The following C9orf40 variants were observed in gnomAD, a reference collection of about 807,000 sequenced individuals.
C9orf40 encodes the protein uncharacterized protein C9orf40.
C9orf40 carries 2 observed loss-of-function variants against 7.9 expected under a neutral mutation model. The ratio of observed to expected loss-of-function variants is 0.25; its 90% CI spans 0.10 to 0.80. C9orf40 has a LOEUF of 0.80. Among genes scored for constraint, C9orf40 ranks in the 30% least tolerant of loss-of-function variants. The probability of loss-of-function intolerance (pLI) is 0.68; values close to 1 mark genes in which losing one functional copy is unlikely to be tolerated. For missense variants in C9orf40, 256 were observed against 268.5 expected, an observed-to-expected ratio of 0.95 and a Z score of 0.33; for synonymous variants, 113 against 117.6, an observed-to-expected ratio of 0.96 and a Z score of 0.25.
In C9orf40 at chr9:74,952,167, A is replaced by AACAGGGGCCCTGGG; in HGVS notation, c.426+18_426+19insCCCAGGGCCCCTGT. 6.6e-6 allele frequency: 1 copy of AACAGGGGCCCTGGG among 150,662 alleles called. No homozygotes were observed. The highest frequency in any genetic ancestry group is 1.1e-5 in the Non-Finnish European group (1 of 87,692). 9.3% of individuals were successfully genotyped at this position (150,662 alleles called of 1,614,324 possible). ...GGCAAGCCCCTTCGCCCCTCAGCCC[A>AACAGGGGCCCTGGG]CCCGCCCCCAGCCCCTACCTGGCGC... On this transcript the variant is annotated intron_variant, in intron 1 of 1. Transcript: ENST00000376854. This position sits in a 1 kb window ranked among gnomAD's most constrained non-coding sequence, Gnocchi z 5.4.
rs1017774480 is a variant in C9orf40 at position 74,947,686 on chromosome 9, C to T, written c.*362G>A. The T allele has an allele frequency of 1.9e-5, 3 of 162,094 alleles. No individual in the cohort carries two copies. The highest frequency in any genetic ancestry group is 4.0e-5 in the Non-Finnish European group (3 of 74,716). The allele number at this position is 162,094 out of a possible 1,614,324, so 10.0% of individuals were successfully genotyped here. On this transcript the variant is annotated 3_prime_UTR_variant, in exon 2 of 2. Transcript: ENST00000376854. Reference sequence around the variant, plus strand: ...ATAAAACAATATTCATTTTATATACCACAAATAAACTTTTTGGTGCAGATA... The same window carrying T: ...ATAAAACAATATTCATTTTATATACTACAAATAAACTTTTTGGTGCAGATA...
In C9orf40 at chr9:74,952,667, T is replaced by A; in HGVS notation, c.-56A>T. 6.9e-7 allele frequency: 1 copy of A among 1,457,166 alleles called. No individual in the cohort carries two copies. Among genetic ancestry groups the A allele is most frequent in the South Asian group, 1.3e-5 (1 of 77,720 alleles). 90.3% of individuals were successfully genotyped at this position (1,457,166 alleles called of 1,614,324 possible). A position where few individuals can be genotyped will look rare whatever the true frequency, so the allele number is the denominator to read the frequency against. On this transcript the variant is annotated 5_prime_UTR_variant, in exon 1 of 2. Coordinates refer to ENST00000376854, the MANE Select transcript of C9orf40 (RefSeq NM_017998.3). The surrounding 1 kb of genome is among the most constrained non-coding windows in gnomAD (Gnocchi z 5.4). ...GCGCGGGAGACCGAGTGCCGATAGCTGCGGGGGGCGAAGAGCGAGGACTGA... is the reference window on the plus strand; with the variant it reads ...GCGCGGGAGACCGAGTGCCGATAGCAGCGGGGGGCGAAGAGCGAGGACTGA...
intron 1 of C9orf40, among the ~76,000 whole-genome samples, chr9:74,949,929 A>G (rs1451099451): frequency 6.6e-6 from 1 of 151,984 alleles, no homozygotes; most frequent in Non-Finnish European, 1.5e-5. Flanking sequence ...TGGTAGGCAG[A>G]GGCGGGAGGA....
Position 74,952,383 on chromosome 9 carries a change from C to T in C9orf40, c.229G>A (p.Gly77Arg), listed in dbSNP as rs762572088. Reference protein sequence around the residue: ...SASPSKRRDSGDNSAPSGQER... With the variant: ...SASPSKRRDSRDNSAPSGQER... ...TGGCCGCTCGGGGCGCTGTTGTCCCCGCTGTCACGGCGCTTGCTGGGCGAA... is the reference window on the plus strand; with the variant it reads ...TGGCCGCTCGGGGCGCTGTTGTCCCTGCTGTCACGGCGCTTGCTGGGCGAA... Residue 77 changes from glycine to arginine, a missense_variant, in exon 1 of 2, where the codon GGG becomes AGG. Physicochemically the swap from Gly to Arg is moderately radical, Grantham distance 125. Transcript: ENST00000376854. This position sits in a 1 kb window ranked among gnomAD's most constrained non-coding sequence, Gnocchi z 5.4. 3 of 1,573,644 alleles carry T rather than the reference C, an allele frequency of 1.9e-6. No homozygotes were observed. Among genetic ancestry groups the T allele is most frequent in the Non-Finnish European group, 8.6e-7 (1 of 1,168,062 alleles).
In C9orf40 at chr9:74,947,963, A is replaced by G. The variant is rs1319602216; in HGVS notation, c.*85T>C. The G allele has an allele frequency of 1.5e-5, 20 of 1,357,918 alleles. No individual in the cohort carries two copies. Among genetic ancestry groups the G allele is most frequent in the African/African-American group, 2.9e-5 (2 of 68,468 alleles). The allele number at this position is 1,357,918 out of a possible 1,614,324, so 84.1% of individuals were successfully genotyped here. On this transcript the variant is annotated 3_prime_UTR_variant, in exon 2 of 2. Transcript: ENST00000376854. ...TTTGGAAATATAACTTCAAGTATGG[A>G]AAATAACTTTTCCCTTAAGAATACG...
In C9orf40 at chr9:74,952,032, C is replaced by A. The variant is rs1832306108; in HGVS notation, c.426+154G>T. 6.6e-6 allele frequency among the ~76,000 whole-genome samples: 1 copy of A among 152,206 alleles called. No homozygotes were observed. Among genetic ancestry groups the A allele is most frequent in the South Asian group, 2.1e-4 (1 of 4,834 alleles). On this transcript the variant is annotated intron_variant, in intron 1 of 1. Transcript: ENST00000376854. This position sits in a 1 kb window ranked among gnomAD's most constrained non-coding sequence, Gnocchi z 5.4. ...TCGGACTCTCGGGGTGTGCTTCTGG[C>A]GGTCGGCGTCCTCTCCCGGAGCGGT... is the stretch of plus-strand genomic sequence containing the variant.
At chr9:74,951,132 C>G (rs1832290215) in intron 1 of C9orf40, among the ~76,000 whole-genome samples, 1 of 152,142 alleles carries the variant, frequency 6.6e-6, no homozygotes, top group African/African-American at 2.4e-5. Flanking sequence ...TTCTTACCGG[C>G]TAGCGGCCGG....
intron 1 of C9orf40, among the ~76,000 whole-genome samples, chr9:74,948,466 C>A (rs1437791037): frequency 6.6e-6 from 1 of 152,032 alleles, no homozygotes; most frequent in Non-Finnish European, 1.5e-5. Flanking sequence ...CATCTCTTTC[C>A]ACAGTTTTTC....
In C9orf40 at chr9:74,949,301, G is replaced by A. The variant is rs371100185; in HGVS notation, c.427-1095C>T. Among the ~76,000 whole-genome samples, 18 of 152,244 alleles carry A rather than the reference G, an allele frequency of 1.2e-4. No individual in the cohort carries two copies. In the East Asian group the frequency reaches 2.9e-3, roughly 24 times the overall value. The stretch of plus-strand genomic sequence containing the variant: ...ATCCCAGCACTTTGGGAGGCAGAAG[G>A]ATCGCTTGAGCCCCAGAGTTTGAGA... On this transcript the variant is annotated intron_variant, in intron 1 of 1. Coordinates refer to ENST00000376854, the MANE Select transcript of C9orf40 (RefSeq NM_017998.3).
rs1215369814 is a variant in C9orf40, at chr9:74,952,525, C to T, written c.87G>A (p.Pro29=). ...LLLCDFAEQP[P]PPPLWIRPPG... ...GCGGCCGGATCCAGAGAGGCGGTGG[C>T]GGCGGCTGCTCAGCGAAGTCGCAAA... The change falls in exon 1 of 2, where the codon CCG becomes CCA. Residue 29 remains proline, a synonymous_variant. Coordinates refer to ENST00000376854, the MANE Select transcript of C9orf40 (RefSeq NM_017998.3). This position sits in a 1 kb window ranked among gnomAD's most constrained non-coding sequence, Gnocchi z 5.4. 3 of 1,588,968 alleles carry T rather than the reference C, an allele frequency of 1.9e-6. No individual in the cohort carries two copies. The highest frequency in any genetic ancestry group is 3.4e-5 in the Admixed American group (2 of 59,296).
Position 74,947,336 on chromosome 9 carries a change from AAAC to A in C9orf40, c.*709_*711del, listed in dbSNP as rs1314039221. On this transcript the variant is annotated 3_prime_UTR_variant, in exon 2 of 2. Coordinates refer to ENST00000376854, the MANE Select transcript of C9orf40 (RefSeq NM_017998.3). ...TAAAACCATGCCTCGAAGCAATTCAAAACCAAGAAGCTGATTATACAATAAATT... is the reference window on the plus strand; with the variant it reads ...TAAAACCATGCCTCGAAGCAATTCAACAAGAAGCTGATTATACAATAAATT... The A allele has an allele frequency of 6.5e-6, 1 of 152,680 alleles. No individual in the cohort carries two copies. Among genetic ancestry groups the A allele is most frequent in the Non-Finnish European group, 1.5e-5 (1 of 68,046 alleles). The allele number at this position is 152,680 out of a possible 1,614,324, so 9.5% of individuals were successfully genotyped here. A position where few individuals can be genotyped will look rare whatever the true frequency, so the allele number is the denominator to read the frequency against.
At chr9:74,951,701 C>T (rs1832301123) in intron 1 of C9orf40, among the ~76,000 whole-genome samples, 1 of 152,236 alleles carries the variant, frequency 6.6e-6, no homozygotes, top group Non-Finnish European at 1.5e-5. Context: ...AGAAGCTGTA[C>T]CAGCCGGTAG....
chr9:74,951,743 G>C (rs1218674173), intron 1 of C9orf40, among the ~76,000 whole-genome samples: 1 of 152,150 alleles, frequency 6.6e-6, no homozygotes, highest in Non-Finnish European at 1.5e-5. Flanking sequence ...TACCACACTG[G>C]TCTCCCTCTA....
rs993357605 is a variant in C9orf40, at chr9:74,946,594, C to T, written c.*1454G>A. On this transcript the variant is annotated 3_prime_UTR_variant, in exon 2 of 2. Coordinates refer to ENST00000376854, the MANE Select transcript of C9orf40 (RefSeq NM_017998.3). ...ATAAACAGTCTCTCTGAGGTAGATACTATTTATTATTTCTCATTTTACAGG... is the reference window on the plus strand; with the variant it reads ...ATAAACAGTCTCTCTGAGGTAGATATTATTTATTATTTCTCATTTTACAGG... The T allele has an allele frequency of 6.6e-6, 1 of 152,000 alleles. No individual in the cohort carries two copies. The highest frequency in any genetic ancestry group is 1.5e-5 in the Non-Finnish European group (1 of 67,994). The allele number at this position is 152,000 out of a possible 1,614,324, so 9.4% of individuals were successfully genotyped here. A position where few individuals can be genotyped will look rare whatever the true frequency, so the allele number is the denominator to read the frequency against.
chr9:74,949,687 G>A (rs973738869), intron 1 of C9orf40, among the ~76,000 whole-genome samples: 9 of 152,128 alleles, frequency 5.9e-5, no homozygotes, highest in Admixed American at 3.3e-4. Context: ...GTATTGAACT[G>A]TTTACTTCTT....
Position 74,946,761 on chromosome 9 carries a change from AC to A in C9orf40, c.*1286del, listed in dbSNP as rs1198919991. On this transcript the variant is annotated 3_prime_UTR_variant, in exon 2 of 2. Transcript: ENST00000376854. ...TTCTAAAGCATTCTTATTAATGTCA[AC>A]CCATTCTTAAATCCTTCATTACACA... 2 of 152,098 alleles carry A rather than the reference AC, an allele frequency of 1.3e-5. No homozygotes were observed. The highest frequency in any genetic ancestry group is 2.9e-5 in the Non-Finnish European group (2 of 67,998). 9.4% of individuals were successfully genotyped at this position (152,098 alleles called of 1,614,324 possible).
Position 74,952,163 on chromosome 9 carries a change from G to GGCCCCCCCCCCC in C9orf40, c.426+22_426+23insGGGGGGGGGGGC. On this transcript the variant is annotated intron_variant, in intron 1 of 1. Coordinates refer to ENST00000376854, the MANE Select transcript of C9orf40 (RefSeq NM_017998.3). This position sits in a 1 kb window ranked among gnomAD's most constrained non-coding sequence, Gnocchi z 5.4. ...AAAAGGCAAGCCCCTTCGCCCCTCA[G>GGCCCCCCCCCCC]CCCACCCGCCCCCAGCCCCTACCTG... 2.8e-6 allele frequency: 1 copy of GGCCCCCCCCCCC among 351,744 alleles called. No individual in the cohort carries two copies. Among genetic ancestry groups the GGCCCCCCCCCCC allele is most frequent in the Non-Finnish European group, 4.7e-6 (1 of 211,698 alleles). 21.8% of individuals were successfully genotyped at this position (351,744 alleles called of 1,614,324 possible).
chr9:74,946,998 G>A lies in C9orf40; in HGVS notation c.*1050C>T, dbSNP rs938126657. 2.6e-5 allele frequency: 4 copies of A among 152,058 alleles called. No homozygotes were observed. Among genetic ancestry groups the A allele is most frequent in the Admixed American group, 1.3e-4 (2 of 15,262 alleles). 9.4% of individuals were successfully genotyped at this position (152,058 alleles called of 1,614,324 possible). ...ACTTTATTTCTTTAACAATGAAATA[G>A]TAATAACACAATAATTCAGTTGTAA... is the stretch of plus-strand genomic sequence containing the variant. On this transcript the variant is annotated 3_prime_UTR_variant, in exon 2 of 2. Coordinates refer to ENST00000376854, the MANE Select transcript of C9orf40 (RefSeq NM_017998.3).
Position 74,952,471 on chromosome 9 carries a change from G to A in C9orf40, c.141C>T (p.Leu47=), listed in dbSNP as rs758920497. ...PPGVAHAGQL[L]GVPEQHRKRK... is the part of the protein sequence containing the mutation. ...GCTTTCGGTGCTGCTCTGGGACGCC[G>A]AGGAGCTGCCCAGCATGCGCGACCC... Residue 47 remains leucine, a synonymous_variant, in exon 1 of 2, where the codon CTC becomes CTT. Transcript: ENST00000376854. This position sits in a 1 kb window ranked among gnomAD's most constrained non-coding sequence, Gnocchi z 5.4. The A allele has an allele frequency of 3.1e-6, 5 of 1,599,192 alleles. No individual in the cohort carries two copies. Among genetic ancestry groups the A allele is most frequent in the Admixed American group, 3.3e-5 (2 of 59,710 alleles).
Sources: allele counts gnomAD v4.1 joint callset (sites outside exome capture counted in the v4.1 genomes callset), GRCh38; gene constraint gnomAD v4.1.1; non-coding constraint Gnocchi (gnomAD v3.1); transcripts MANE v1.5; gene names NCBI Gene and HGNC (gene_info 2026-07-23, HGNC 2026-07-21).